RIMKLB: variants seen among roughly 807,000 people sequenced by gnomAD.
RIMKLB encodes the protein ribosomal modification protein rimK like family member B, also known as beta-citrylglutamate synthase B.
Under a neutral mutation model 32.0 loss-of-function variants are expected in RIMKLB, and 7 were observed. That is an observed-to-expected ratio of 0.22 (90% CI 0.12 to 0.41). The LOEUF is 0.41. Among genes scored for constraint, RIMKLB ranks in the 10% least tolerant of loss-of-function variants. The pLI is 1.00. For synonymous variants in RIMKLB, 172 were observed against 185.1 expected (o/e 0.93, Z 0.57); for missense variants, 289 against 498.7 (o/e 0.58, Z 4.00).
chr12:8,673,008 A>T, the RIMKLB span, among the ~76,000 whole-genome samples: 8 of 152,248 alleles, frequency 5.3e-5, no homozygotes, highest in Admixed American at 2.0e-4. Flanking sequence ...CAGCCTCCTG[A>T]GTAGCTGGAA....
At chr12:8,698,776 A>G (rs1943108830) in intron 1 of RIMKLB, among the ~76,000 whole-genome samples, 1 of 151,090 alleles carries the variant, frequency 6.6e-6, no homozygotes, top group Non-Finnish European at 1.5e-5. Context: ...TCCCGCAGCT[A>G]CTGTATTCGA....
chr12:8,753,038 G>A (rs1365508682), intron 4 of RIMKLB, among the ~76,000 whole-genome samples: 2 of 152,114 alleles, frequency 1.3e-5, no homozygotes, highest in Non-Finnish European at 2.9e-5. Flanking sequence ...GAGCCACTGC[G>A]CCCAGCCTAA....
chr12:8,744,623 ATAC>A (rs1387587093), intron 2 of RIMKLB, among the ~76,000 whole-genome samples: 3 of 151,518 alleles, frequency 2.0e-5, no homozygotes, highest in African/African-American at 7.3e-5. Context: ...ATTTTTTATA[ATAC>A]TATTTAATAA....
At chr12:8,760,679 A>G (rs1243852316) in intron 5 of RIMKLB, among the ~76,000 whole-genome samples, 1 of 152,110 alleles carries the variant, frequency 6.6e-6, no homozygotes, top group East Asian at 1.9e-4. Context: ...ATTGATTTGC[A>G]TTTCTCTGAT....
intron 1 of RIMKLB, among the ~76,000 whole-genome samples, chr12:8,708,984 A>G (rs771822221): frequency 1.3e-5 from 2 of 152,254 alleles, no homozygotes; most frequent in Non-Finnish European, 1.5e-5. Context: ...ACTGGAGGAA[A>G]TAAAGAGAGG....
At chr12:8,678,834 A>G (rs886315102), upstream of RIMKLB, 4 of 152,212 alleles carry the variant, frequency 2.6e-5, no homozygotes, top group Non-Finnish European at 4.4e-5. Context: ...AGGAAAATTA[A>G]GCTCATTTTT....
chr12:8,728,459 A>C (rs2137235215), intron 2 of RIMKLB, among the ~76,000 whole-genome samples: 1 of 152,214 alleles, frequency 6.6e-6, no homozygotes, highest in South Asian at 2.1e-4. Context: ...AGTGTATCCC[A>C]ATTATTTTTA....
At chr12:8,685,781 C>T (rs1251852409) in intron 1 of RIMKLB, among the ~76,000 whole-genome samples, 6 of 151,756 alleles carry the variant, frequency 4.0e-5, no homozygotes, top group Admixed American at 1.3e-4. Flanking sequence ...GTAGCTGGAA[C>T]TACAGGTGTG....
chr12:8,778,787 G>A (rs1950879510), downstream of RIMKLB, among the ~76,000 whole-genome samples: 1 of 152,144 alleles, frequency 6.6e-6, no homozygotes, highest in Non-Finnish European at 1.5e-5. Context: ...TTTCAAGATA[G>A]ACTTCTGCAT....
In RIMKLB at chr12:8,776,881, T is replaced by G. The variant is rs1950758091; in HGVS notation, c.*3097T>G. 10 of 985,718 alleles carry G rather than the reference T, an allele frequency of 1.0e-5. No individual in the cohort carries two copies. The allele number at this position is 985,718 out of a possible 1,614,324, so 61.1% of individuals were successfully genotyped here. A position where few individuals can be genotyped will look rare whatever the true frequency, so the allele number is the denominator to read the frequency against. On this transcript the variant is annotated 3_prime_UTR_variant, in exon 6 of 6. Transcript: ENST00000535829. ...TGACTTTGAAAATCATCTCTTTTTC[T>G]CAAGAAGAAAGCAATGGAGAAGCAA...
intron 2 of RIMKLB, among the ~76,000 whole-genome samples, chr12:8,717,987 T>G (rs748904198): frequency 1.8e-4 from 27 of 152,308 alleles, no homozygotes; most frequent in Admixed American, 3.3e-4. Flanking sequence ...CTAGCAGAAT[T>G]GTATTTTCCT....
At chr12:8,771,079 T>C (rs1044013098) in intron 5 of RIMKLB, among the ~76,000 whole-genome samples, 1 of 152,224 alleles carries the variant, frequency 6.6e-6, no homozygotes, top group African/African-American at 2.4e-5. Flanking sequence ...AGCCTCTACG[T>C]GTCCAGCTAT....
the RIMKLB span, among the ~76,000 whole-genome samples, chr12:8,673,199 T>C: frequency 6.6e-6 from 1 of 151,798 alleles, no homozygotes; most frequent in Non-Finnish European, 1.5e-5. Flanking sequence ...GGGTATTTCT[T>C]TAGAGTAATG....
intron 2 of RIMKLB, among the ~76,000 whole-genome samples, chr12:8,739,650 T>C (rs1947319412): frequency 6.6e-6 from 1 of 152,172 alleles, no homozygotes; most frequent in South Asian, 2.1e-4. Flanking sequence ...TTTAAAAATT[T>C]TTTTGTAGAG....
At chr12:8,749,426 G>A (rs1948438572) in intron 2 of RIMKLB, among the ~76,000 whole-genome samples, 1 of 152,162 alleles carries the variant, frequency 6.6e-6, no homozygotes, top group Admixed American at 6.6e-5. Flanking sequence ...GGCCAGGATG[G>A]CCTTGATCTC....
intron 2 of RIMKLB, among the ~76,000 whole-genome samples, chr12:8,727,550 T>C (rs1338958808): frequency 6.6e-6 from 1 of 152,224 alleles, no homozygotes; most frequent in Non-Finnish European, 1.5e-5. Context: ...GTAGGCACTT[T>C]GTATCCATGG....
At chr12:8,693,319 T>TCC (rs1394663668), upstream of RIMKLB, among the ~76,000 whole-genome samples, 1 of 152,048 alleles carries the variant, frequency 6.6e-6, no homozygotes, top group Non-Finnish European at 1.5e-5. Flanking sequence ...TTATAGGCCT[T>TCC]CCCCCAGTAC....
At chr12:8,690,739 A>G (rs1942708479) in intron 1 of RIMKLB, among the ~76,000 whole-genome samples, 1 of 152,154 alleles carries the variant, frequency 6.6e-6, no homozygotes, top group Admixed American at 6.5e-5. Flanking sequence ...CCCAGCCAAC[A>G]TGGTGAAACC....
At chr12:8,763,162 C>T (rs944307838) in intron 5 of RIMKLB, among the ~76,000 whole-genome samples, 4 of 152,386 alleles carry the variant, frequency 2.6e-5, no homozygotes, top group African/African-American at 9.6e-5. Flanking sequence ...ACTGCTGCCA[C>T]TGCCCATAAA....
Sources: allele counts gnomAD v4.1 joint callset (sites outside exome capture counted in the v4.1 genomes callset), GRCh38; gene constraint gnomAD v4.1.1; transcripts MANE v1.5; gene names NCBI Gene and HGNC (gene_info 2026-07-23, HGNC 2026-07-21).